Variants in NSFL1C observed in about 807,000 individuals in gnomAD.
The protein encoded by NSFL1C is NSFL1 cofactor p47.
In NSFL1C, 14 loss-of-function variants were observed where a neutral mutation model predicts 43.1. That is an observed-to-expected ratio of 0.32 (90% confidence interval 0.21 to 0.51). The LOEUF (loss-of-function observed/expected upper bound fraction) is 0.51. Among genes scored for constraint, NSFL1C ranks in the 20% least tolerant of loss-of-function variants. The pLI, the probability that NSFL1C is intolerant of heterozygous loss-of-function variation, is 0.98. For missense variants in NSFL1C, 406 were observed against 472.5 expected (o/e 0.86, Z 1.30); for synonymous variants, 171 against 183.5 (o/e 0.93, Z 0.55).
chr20:1,450,697 T>TA (rs1350345810), intron 7 of NSFL1C, among the ~76,000 whole-genome samples: 1 of 152,228 alleles, frequency 6.6e-6, no homozygotes, highest in Non-Finnish European at 1.5e-5. Flanking sequence ...TTTGACATCT[T>TA]AAAAGTATGA....
At chr20:1,460,464 T>C (rs996405354) in intron 2 of NSFL1C, among the ~76,000 whole-genome samples, 1 of 152,332 alleles carries the variant, frequency 6.6e-6, no homozygotes, top group Admixed American at 6.5e-5. Flanking sequence ...GGCATGGATG[T>C]CCTAGGGATA....
chr20:1,464,302 GTAGCGA>G (rs748019526), intron 2 of NSFL1C, 21 bp downstream of exon 2: 1 of 1,593,034 alleles, frequency 6.3e-7, no homozygotes. Flanking sequence ...AAACACTCAT[GTAGCGA>G]TAATTGAAGC....
chr20:1,443,822 T>A lies in NSFL1C; in HGVS notation c.1040A>T (p.Glu347Val), dbSNP rs760904370. The A allele has an allele frequency of 6.2e-7, 1 of 1,614,130 alleles. No homozygotes were observed. Residue 347 changes from glutamate to valine, a missense_variant, in exon 9 of 9, where the codon GAG (glutamate) becomes GTG (valine). This residue lies in a region of NSFL1C where 196 missense variants were observed against 228.0 expected (regional missense o/e 0.86). Transcript: ENST00000216879. ...FILMTTFPNK[E>V]LADESQTLKE... The stretch of plus-strand genomic sequence containing the variant: ...CAGGGTCTGGCTCTCATCAGCCAGC[T>A]CTTTGTTCGGGAAAGTAGTCATGAG...
chr20:1,443,417 T>C lies in NSFL1C; in HGVS notation c.*332A>G, dbSNP rs976441553. 4 of 192,002 alleles carry C rather than the reference T, an allele frequency of 2.1e-5. No individual in the cohort carries two copies. Among genetic ancestry groups the C allele is most frequent in the Non-Finnish European group, 3.3e-5 (3 of 92,032 alleles). 11.9% of individuals were successfully genotyped at this position (192,002 alleles called of 1,614,324 possible). A position where few individuals can be genotyped will look rare whatever the true frequency, so the allele number is the denominator to read the frequency against. ...GCAGAGAAGATGGAAGGAAGTTTCCTCCCACAGGCCCCAAGATAAATATAA... is the reference window on the plus strand; with the variant it reads ...GCAGAGAAGATGGAAGGAAGTTTCCCCCCACAGGCCCCAAGATAAATATAA... On this transcript the variant is annotated 3_prime_UTR_variant, in exon 9 of 9. Transcript: ENST00000216879.
chr20:1,455,225 G>A, intron 3 of NSFL1C, 93 bp from the exon 4 acceptor site: 2 of 1,379,228 alleles, frequency 1.5e-6, no homozygotes, highest in South Asian at 1.2e-5. Flanking sequence ...GAGGCAAAGG[G>A]TACAATGCTT....
At position 1,458,298 on chromosome 20, in the gene NSFL1C, A is replaced by G. The variant is rs781639594; in HGVS notation, c.204-24T>C. 2.5e-6 allele frequency: 4 copies of G among 1,595,042 alleles called. No individual in the cohort carries two copies. The South Asian group carries it at 3.3e-5, about 13-fold the overall frequency. On this transcript the variant is annotated intron_variant, in intron 2 of 8. Coordinates refer to ENST00000216879, the MANE Select transcript of NSFL1C (RefSeq NM_016143.5). The stretch of plus-strand genomic sequence containing the variant: ...CACTGGAGACACAGAAAGGAGCAAA[A>G]TGATCTCAGGGAGCATTAAGAAAGG...
At chr20:1,454,416 C>A in intron 4 of NSFL1C, 111 bp from the exon 5 acceptor site, 1 of 751,540 alleles carries the variant, frequency 1.3e-6, no homozygotes, top group South Asian at 1.7e-5. Flanking sequence ...GACAGGGTTC[C>A]TGATCAAGCT....
At chr20:1,455,699 A>T in intron 3 of NSFL1C, 1 of 779,746 alleles carries the variant, frequency 1.3e-6, no homozygotes, top group Non-Finnish European at 2.4e-6. Context: ...GGGAAGGACC[A>T]CATGCCCTAC....
chr20:1,445,673 T>C lies in NSFL1C; in HGVS notation c.943A>G (p.Ser315Gly), dbSNP rs2122802288. ...GGRLVQKFNH[S>G]HRISDIRLFI... ...CCACACAATGCAAGGTACCTGTGGC[T>C]GTGGTTAAATTTCTGCACCAGCCTC... The change falls in exon 8 of 9, where the codon AGC becomes GGC. Residue 315 changes from serine to glycine, a missense_variant. Ser to Gly is a moderately conservative substitution (Grantham distance 56). Coordinates refer to ENST00000216879, the MANE Select transcript of NSFL1C (RefSeq NM_016143.5). 1 of 1,612,544 alleles carries C rather than the reference T, an allele frequency of 6.2e-7. No individual in the cohort carries two copies.
intron 7 of NSFL1C, chr20:1,446,052 C>A: frequency 1.7e-6 from 1 of 583,754 alleles, no homozygotes. Flanking sequence ...TTATTGCTAG[C>A]TCCCTCGCTC....
At chr20:1,460,938 T>A (rs2090397543) in intron 2 of NSFL1C, among the ~76,000 whole-genome samples, 2 of 152,120 alleles carry the variant, frequency 1.3e-5, no homozygotes, top group Non-Finnish European at 2.9e-5. Flanking sequence ...GGGTGGGAGG[T>A]GCTGGCAGGG....
chr20:1,458,273 C>T lies in NSFL1C; in HGVS notation c.205G>A (p.Asp69Asn), dbSNP rs1445250880. 1 of 1,613,170 alleles carries T rather than the reference C, an allele frequency of 6.2e-7. No homozygotes were observed. Residue 69 changes from aspartate (D) to asparagine (N), a missense_variant and splice_region_variant, in exon 3 of 9, where the codon GAT (aspartate) becomes AAT (asparagine). By Grantham distance (23) the Asp-to-Asn change is conservative. This residue lies in a region of NSFL1C where 203 missense variants were observed against 216.3 expected (regional missense o/e 0.94). Coordinates refer to ENST00000216879, the MANE Select transcript of NSFL1C (RefSeq NM_016143.5). ...SSVSRGTAPSDNRVTSFRDLI... is the reference protein window; with the variant it reads ...SSVSRGTAPSNNRVTSFRDLI... ...TCTCTGAAGGATGTCACTCTATTAT[C>T]ACTGGAGACACAGAAAGGAGCAAAA...
In NSFL1C at chr20:1,443,855, C is replaced by G; in HGVS notation, c.1007G>C (p.Ser336Thr). 1 of 1,613,888 alleles carries G rather than the reference C, an allele frequency of 6.2e-7. No individual in the cohort carries two copies. Among genetic ancestry groups the G allele is most frequent in the Non-Finnish European group, 8.5e-7 (1 of 1,179,984 alleles). The change falls in exon 9 of 9, where the codon AGC becomes ACC. Residue 336 changes from serine (S) to threonine (T), a missense_variant. Physicochemically the swap from Ser to Thr is moderately conservative, Grantham distance 58 (BLOSUM62 1). Around this residue, in one of 3 missense-constraint regions of NSFL1C, gnomAD observed 196 missense variants for 228.0 expected, o/e 0.86. Coordinates refer to ENST00000216879, the MANE Select transcript of NSFL1C (RefSeq NM_016143.5). ...CGGGAAAGTAGTCATGAGGATAAAG[C>G]TGGTGGCAGCCATGGCTGGCCGGGC... ...VDARPAMAAT[S>T]FILMTTFPNK...
chr20:1,452,575 T>A lies in NSFL1C; in HGVS notation c.703A>T (p.Met235Leu). The A allele has an allele frequency of 6.2e-7, 1 of 1,614,128 alleles. No homozygotes were observed. ...LAHGGQVNLDMEDHRDEDFVK... is the reference protein window; with the variant it reads ...LAHGGQVNLDLEDHRDEDFVK... ...AAGTCCTCGTCCCGATGGTCCTCCA[T>A]ATCCAAGTTCACCTGTCCACCGTGA... is the stretch of plus-strand genomic sequence containing the variant. The change falls in exon 7 of 9, where the codon ATG becomes TTG. Residue 235 changes from methionine (M) to leucine (L), a missense_variant. Met to Leu is a conservative substitution (Grantham distance 15). Around this residue, in one of 3 missense-constraint regions of NSFL1C, gnomAD observed 196 missense variants for 228.0 expected, o/e 0.86. Transcript: ENST00000216879.
rs3171290 is a variant in NSFL1C at position 1,442,853 on chromosome 20, G to C, written c.*896C>G. 1 of 152,220 alleles carries C rather than the reference G, an allele frequency of 6.6e-6. No homozygotes were observed. The allele number at this position is 152,220 out of a possible 1,614,324, so 9.4% of individuals were successfully genotyped here. On this transcript the variant is annotated 3_prime_UTR_variant, in exon 9 of 9. Transcript: ENST00000216879. ...TGATTTGATTTGCCACACATCACTA[G>C]TGAACAGCTCGGTGGCATTTTGACT...
chr20:1,448,320 T>C (rs796219917), intron 7 of NSFL1C, among the ~76,000 whole-genome samples: 4 of 152,362 alleles, frequency 2.6e-5, no homozygotes, highest in African/African-American at 9.6e-5. Flanking sequence ...ACAGACAGTG[T>C]GGCCTTAAGC....
intron 5 of NSFL1C, 35 bp downstream of exon 5, chr20:1,454,178 A>C: frequency 6.5e-7 from 1 of 1,537,192 alleles, no homozygotes; most frequent in Non-Finnish European, 9.0e-7. Flanking sequence ...AGAACAGTCC[A>C]CAAGCTTCCC....
At chr20:1,453,472 G>T (rs544223041) in intron 5 of NSFL1C, among the ~76,000 whole-genome samples, 2 of 152,224 alleles carry the variant, frequency 1.3e-5, no homozygotes, top group South Asian at 4.1e-4. Context: ...GTGAGTGTCC[G>T]ACTAAACTAC....
At chr20:1,462,527 C>CG (rs1555795961) in intron 2 of NSFL1C, among the ~76,000 whole-genome samples, 1 of 145,294 alleles carries the variant, frequency 6.9e-6, no homozygotes, top group Non-Finnish European at 1.5e-5. Context: ...ACTTTTATGC[C>CG]TTTTTTTTTT....
Sources: allele counts gnomAD v4.1 joint callset (sites outside exome capture counted in the v4.1 genomes callset), GRCh38; gene constraint gnomAD v4.1.1; regional missense constraint gnomAD v4.1.1; transcripts MANE v1.5; gene names NCBI Gene and HGNC (gene_info 2026-07-23, HGNC 2026-07-21).